Variants in PDE1C observed in about 807,000 individuals in gnomAD.
PDE1C encodes dual specificity calcium/calmodulin-dependent 3',5'-cyclic nucleotide phosphodiesterase 1C.
A neutral mutation model predicts 93.1 loss-of-function variants in PDE1C; 62 were observed. That is an observed-to-expected ratio of 0.67 (90% confidence interval 0.54 to 0.82). PDE1C has a LOEUF of 0.82. Among genes scored for constraint, PDE1C ranks in the 40% least tolerant of loss-of-function variants. PDE1C has a pLI of 0.00. For synonymous variants in PDE1C, 325 were observed against 310.1 expected, an observed-to-expected ratio of 1.05 and a Z score of -0.50; for missense variants, 742 against 884.6, an observed-to-expected ratio of 0.84 and a Z score of 2.04.
At chr7:31,943,159 T>C (rs1312361521) in intron 2 of PDE1C, among the ~76,000 whole-genome samples, 3 of 152,166 alleles carry the variant, frequency 2.0e-5, no homozygotes, top group Admixed American at 6.6e-5. Flanking sequence ...TTTGGAAACC[T>C]TTGAGCTTCA....
At chr7:31,855,980 AT>A (rs1482400094) in intron 7 of PDE1C, among the ~76,000 whole-genome samples, 12 of 152,206 alleles carry the variant, frequency 7.9e-5, no homozygotes, top group Admixed American at 3.3e-4. Context: ...CTGTCTAAGG[AT>A]TTTCTCTTGG....
intron 2 of PDE1C, among the ~76,000 whole-genome samples, chr7:31,952,475 C>T (rs1807516956): frequency 1.3e-5 from 2 of 152,286 alleles, no homozygotes; most frequent in Admixed American, 6.5e-5. Flanking sequence ...GTCTCGAACT[C>T]CTGGCCTCAA....
At chr7:31,954,812 C>T (rs760595042) in intron 2 of PDE1C, among the ~76,000 whole-genome samples, 5 of 152,062 alleles carry the variant, frequency 3.3e-5, no homozygotes, top group South Asian at 2.1e-4. Context: ...TGACAAAAAC[C>T]GCAATCATTT....
chr7:31,620,880 A>C, the PDE1C span, among the ~76,000 whole-genome samples: 1 of 152,090 alleles, frequency 6.6e-6, no homozygotes, highest in Admixed American at 6.5e-5. Flanking sequence ...ACGAATGTAT[A>C]ACTAGAATAA....
chr7:31,856,858 C>A (rs772312530), intron 7 of PDE1C, among the ~76,000 whole-genome samples: 2 of 152,116 alleles, frequency 1.3e-5, no homozygotes, highest in South Asian at 2.1e-4. Context: ...AATTTATTTT[C>A]TCACGTTTCT....
chr7:31,704,060 A>G, the PDE1C span, among the ~76,000 whole-genome samples: 1 of 152,192 alleles, frequency 6.6e-6, no homozygotes, highest in Admixed American at 6.5e-5. Flanking sequence ...CACAAATGGA[A>G]CCATGAAAAA....
the PDE1C span, among the ~76,000 whole-genome samples, chr7:31,676,137 G>C: frequency 1.2e-4 from 19 of 152,300 alleles, no homozygotes; most frequent in Admixed American, 4.6e-4. Context: ...GAAAGCAAGA[G>C]ATACGCCAGT....
At chr7:32,420,582 G>T (rs1470707513) in intron 1 of PDE1C, among the ~76,000 whole-genome samples, 2 of 150,314 alleles carry the variant, frequency 1.3e-5, no homozygotes, top group Non-Finnish European at 3.0e-5. Context: ...GGTAATAATA[G>T]TGCTTGTCTT....
At chr7:32,066,728 A>G (rs1385066949) in intron 1 of PDE1C, among the ~76,000 whole-genome samples, 4 of 129,442 alleles carry the variant, frequency 3.1e-5, no homozygotes, top group African/African-American at 6.0e-5. Context: ...ATTCTGTAAC[A>G]AAAAAGTAAT....
chr7:32,254,506 C>A (rs73687123), intron 1 of PDE1C, among the ~76,000 whole-genome samples: 224 of 152,236 alleles, frequency 1.5e-3, no homozygotes, highest in African/African-American at 5.0e-3. Flanking sequence ...CCAGAAAGCC[C>A]GATATCTTCC....
chr7:31,659,762 T>C, the PDE1C span, among the ~76,000 whole-genome samples: 3 of 152,210 alleles, frequency 2.0e-5, no homozygotes, highest in African/African-American at 7.2e-5. Context: ...TGTGTGGCCT[T>C]CTGCAAAACA....
intron 1 of PDE1C, among the ~76,000 whole-genome samples, chr7:32,394,701 A>C (rs1305133870): frequency 6.6e-6 from 1 of 152,194 alleles, no homozygotes; most frequent in Non-Finnish European, 1.5e-5. Context: ...CCAGCTAATC[A>C]GGAGGTTGAG....
intron 3 of PDE1C, among the ~76,000 whole-genome samples, chr7:32,133,259 C>G (rs1186374685): frequency 6.6e-6 from 1 of 152,122 alleles, no homozygotes; most frequent in Non-Finnish European, 1.5e-5. Context: ...TAGCAAACAA[C>G]AGCTATAAAC....
chr7:31,669,306 C>T, the PDE1C span, among the ~76,000 whole-genome samples: 788 of 152,188 alleles, frequency 5.2e-3, 2 homozygotes, highest in African/African-American at 0.018. Context: ...GAACAGTTCT[C>T]GTGAGCCATC....
chr7:32,160,147 G>A (rs1386032461), intron 3 of PDE1C, among the ~76,000 whole-genome samples: 2 of 152,130 alleles, frequency 1.3e-5, no homozygotes, highest in East Asian at 3.9e-4. Context: ...TGCCAGCAGA[G>A]CCACACAAAC....
At chr7:31,961,259 T>C (rs62456051) in intron 2 of PDE1C, among the ~76,000 whole-genome samples, 2 of 151,102 alleles carry the variant, frequency 1.3e-5, no homozygotes, top group Admixed American at 6.6e-5. Flanking sequence ...TATATATATA[T>C]ATACACACAC....
At chr7:32,207,971 G>A (rs115712625) in intron 2 of PDE1C, among the ~76,000 whole-genome samples, 4 of 152,160 alleles carry the variant, frequency 2.6e-5, no homozygotes, top group Non-Finnish European at 5.9e-5. Context: ...AACTGCTCAG[G>A]AGATGAAGAA....
chr7:31,849,736 C>G (rs1322403600), intron 8 of PDE1C, among the ~76,000 whole-genome samples: 1 of 152,114 alleles, frequency 6.6e-6, no homozygotes, highest in Non-Finnish European at 1.5e-5. Context: ...CCACCTTTCC[C>G]CATACCCTAG....
chr7:32,157,329 G>T (rs76846748), intron 3 of PDE1C, among the ~76,000 whole-genome samples: 751 of 152,176 alleles, frequency 4.9e-3, no homozygotes, highest in African/African-American at 0.017. Context: ...ATAACTAGAG[G>T]AGAACCATAG....
Sources: allele counts gnomAD v4.1 joint callset (sites outside exome capture counted in the v4.1 genomes callset), GRCh38; gene constraint gnomAD v4.1.1; transcripts MANE v1.5; gene names NCBI Gene and HGNC (gene_info 2026-07-23, HGNC 2026-07-21).